Variants in KIF26B observed in about 807,000 individuals in gnomAD.
KIF26B encodes the protein kinesin-like protein KIF26B.
In KIF26B, 63 loss-of-function variants were observed where a neutral mutation model predicts 151.2. That is an observed-to-expected ratio of 0.42 (90% CI 0.34 to 0.51). The LOEUF is 0.51. Among genes scored for constraint, KIF26B ranks in the 20% least tolerant of loss-of-function variants. The probability of loss-of-function intolerance (pLI) is 0.07; values close to 1 mark genes in which losing one functional copy is unlikely to be tolerated. For missense variants in KIF26B, 2,813 were observed against 2,913.6 expected, an observed-to-expected ratio of 0.97 and a Z score of 0.79; for synonymous variants, 1,357 against 1,262.1, an observed-to-expected ratio of 1.08 and a Z score of -1.59.
intron 4 of KIF26B, among the ~76,000 whole-genome samples, chr1:245,498,217 T>C (rs1188083646): frequency 6.6e-6 from 1 of 152,146 alleles, no homozygotes; most frequent in Non-Finnish European, 1.5e-5. Flanking sequence ...CACTTTATAT[T>C]CTAATATTTT....
chr1:245,173,701 A>G (rs1187717327), intron 2 of KIF26B, among the ~76,000 whole-genome samples: 1 of 152,070 alleles, frequency 6.6e-6, no homozygotes, highest in Non-Finnish European at 1.5e-5. Context: ...GGGAAAGGGG[A>G]TGCTATTGAG....
At chr1:245,205,523 G>T (rs1321762223) in intron 2 of KIF26B, among the ~76,000 whole-genome samples, 1 of 152,082 alleles carries the variant, frequency 6.6e-6, no homozygotes, top group East Asian at 1.9e-4. Context: ...ATGTGGTTGA[G>T]AACTACATTT....
intron 4 of KIF26B, among the ~76,000 whole-genome samples, chr1:245,428,602 G>C (rs1160603038): frequency 6.6e-6 from 1 of 152,170 alleles, no homozygotes; most frequent in African/African-American, 2.4e-5. Context: ...GTCCGTAACA[G>C]AAGTGGCATT....
chr1:245,498,528 G>A (rs375683077), intron 4 of KIF26B, among the ~76,000 whole-genome samples: 2 of 152,180 alleles, frequency 1.3e-5, no homozygotes, highest in Non-Finnish European at 1.5e-5. Flanking sequence ...CAATCAGAGC[G>A]TGCATATAAG....
At chr1:245,442,290 G>A (rs937028538) in intron 4 of KIF26B, among the ~76,000 whole-genome samples, 1 of 152,146 alleles carries the variant, frequency 6.6e-6, no homozygotes, top group East Asian at 1.9e-4. Flanking sequence ...CTCTGGGTAC[G>A]TGTGAAATCT....
chr1:245,161,065 A>G (rs1356837396), intron 2 of KIF26B, among the ~76,000 whole-genome samples: 1 of 152,234 alleles, frequency 6.6e-6, no homozygotes, highest in African/African-American at 2.4e-5. Flanking sequence ...TCTTTCTTCT[A>G]AGAACATGTG....
At chr1:245,419,015 G>A (rs1405766214) in intron 3 of KIF26B, among the ~76,000 whole-genome samples, 1 of 152,072 alleles carries the variant, frequency 6.6e-6, no homozygotes, top group Admixed American at 6.5e-5. Flanking sequence ...AAAAAATATT[G>A]GTAATTCATT....
intron 12 of KIF26B, among the ~76,000 whole-genome samples, chr1:245,697,542 G>A (rs192014627): frequency 3.0e-4 from 45 of 152,232 alleles, no homozygotes; most frequent in Admixed American, 2.6e-3. Context: ...CCTAGGCTGC[G>A]TGTTTTACAG....
chr1:245,683,584 TAGG>T (rs1366170087), intron 10 of KIF26B, among the ~76,000 whole-genome samples: 1 of 152,168 alleles, frequency 6.6e-6, no homozygotes, highest in Non-Finnish European at 1.5e-5. Context: ...GGCCTCTCTA[TAGG>T]AAGTGCTGCT....
In KIF26B at chr1:245,400,682, A is replaced by G. The variant is rs139653326; in HGVS notation, c.1000-18897A>G. ...TGGTACATTAAAAAGAATGTAAAATATCTCATTAGTAGACTTTTTTATATT... is the reference window on the plus strand; with the variant it reads ...TGGTACATTAAAAAGAATGTAAAATGTCTCATTAGTAGACTTTTTTATATT... On this transcript the variant is annotated intron_variant, in intron 3 of 14. Transcript: ENST00000407071. Among the ~76,000 whole-genome samples the G allele has an allele frequency of 3.1e-3, 476 of 152,320 alleles. 4 individuals are homozygous for G. Among genetic ancestry groups the G allele is most frequent in the African/African-American group, 0.011 (450 of 41,578 alleles).
chr1:245,429,644 C>G (rs532637696), intron 4 of KIF26B, among the ~76,000 whole-genome samples: 12 of 152,258 alleles, frequency 7.9e-5, no homozygotes, highest in African/African-American at 2.6e-4. Flanking sequence ...GTTGCAGTCT[C>G]GCTCTGTCTC....
In KIF26B at chr1:245,263,177, T is replaced by A. The variant is rs141193719; in HGVS notation, c.466-103657T>A. Among the ~76,000 whole-genome samples, 279 of 149,248 alleles carry A rather than the reference T, an allele frequency of 1.9e-3. 2 individuals carry two copies. The highest frequency in any genetic ancestry group is 6.4e-3 in the African/African-American group (266 of 41,458). On this transcript the variant is annotated intron_variant, in intron 2 of 14. Coordinates refer to ENST00000407071, the MANE Select transcript of KIF26B (RefSeq NM_018012.4). ...ATCCACTGGGAGGTGGGTCCCTCGTTAGCCCTGAAGAGTGGATTGCTGATG... is the reference window on the plus strand; with the variant it reads ...ATCCACTGGGAGGTGGGTCCCTCGTAAGCCCTGAAGAGTGGATTGCTGATG...
At chr1:245,236,996 G>A (rs766395221) in intron 2 of KIF26B, among the ~76,000 whole-genome samples, 4 of 152,230 alleles carry the variant, frequency 2.6e-5, no homozygotes, top group Non-Finnish European at 5.9e-5. Flanking sequence ...CTGGGACTGA[G>A]TCTCTGGTCC....
intron 9 of KIF26B, chr1:245,615,154 T>G (rs2043575161): frequency 6.6e-6 from 1 of 152,274 alleles, no homozygotes. Context: ...AATGTTTAGT[T>G]TATTCTTTTA....
chr1:245,645,626 T>G (rs1014084263), intron 9 of KIF26B, among the ~76,000 whole-genome samples: 1 of 152,226 alleles, frequency 6.6e-6, no homozygotes, highest in African/African-American at 2.4e-5. Context: ...TCTCTGCACC[T>G]GGTCGTTACT....
intron 4 of KIF26B, among the ~76,000 whole-genome samples, chr1:245,459,242 A>C (rs973324071): frequency 7.9e-5 from 12 of 152,340 alleles, no homozygotes; most frequent in Non-Finnish European, 1.6e-4. Context: ...TTTTGTTTGC[A>C]AACAGCCCAT....
chr1:245,652,750 A>C (rs562805338), intron 10 of KIF26B, among the ~76,000 whole-genome samples: 3 of 152,290 alleles, frequency 2.0e-5, no homozygotes, highest in Admixed American at 6.5e-5. Flanking sequence ...CATTCTTAAG[A>C]GGACCACATT....
intron 5 of KIF26B, among the ~76,000 whole-genome samples, chr1:245,587,936 A>G (rs1371361102): frequency 6.6e-6 from 1 of 152,220 alleles, no homozygotes; most frequent in East Asian, 1.9e-4. Context: ...AGCACATGAT[A>G]AATGCTTCTG....
At chr1:245,464,632 T>G (rs1183219104) in intron 4 of KIF26B, among the ~76,000 whole-genome samples, 1 of 119,990 alleles carries the variant, frequency 8.3e-6, no homozygotes, top group Admixed American at 8.1e-5. Context: ...GTGTGCATGT[T>G]TGGCACCGTG....
Sources: gnomAD v4.1 joint callset for allele counts (sites outside exome capture counted in the v4.1 genomes callset) on GRCh38, gnomAD v4.1.1 for gene constraint, MANE v1.5 for transcripts, NCBI Gene and HGNC (gene_info 2026-07-23, HGNC 2026-07-21) for gene names.